CDH13: variants seen among roughly 807,000 people sequenced by gnomAD.
CDH13 encodes the protein cadherin 13.
Under a neutral mutation model 63.8 loss-of-function variants are expected in CDH13, and 24 were observed. The ratio of observed to expected loss-of-function variants is 0.38; its 90% CI spans 0.27 to 0.53. The LOEUF (loss-of-function observed/expected upper bound fraction) is 0.53, where lower values mean the gene tolerates loss of function less well. CDH13 is among the 20% of genes least tolerant of loss of function. The pLI is 0.85. For missense variants in CDH13, 1,049 were observed against 903.1 expected, an observed-to-expected ratio of 1.16 and a Z score of -2.07; for synonymous variants, 503 against 355.3, an observed-to-expected ratio of 1.42 and a Z score of -4.67.
intron 1 of CDH13, among the ~76,000 whole-genome samples, chr16:82,660,246 C>T (rs1355451763): frequency 6.6e-6 from 1 of 152,000 alleles, no homozygotes; most frequent in Non-Finnish European, 1.5e-5. Flanking sequence ...GATTAGGAAC[C>T]TGGAGATAAA....
At chr16:83,667,015 A>ATGGATGGATGGATGGG (rs759265693) in intron 8 of CDH13, among the ~76,000 whole-genome samples, 1 of 130,610 alleles carries the variant, frequency 7.7e-6, no homozygotes, top group Admixed American at 8.2e-5. Context: ...GGATGGATGG[A>ATGGATGGATGGATGGG]TGGATGGATG....
intron 5 of CDH13, among the ~76,000 whole-genome samples, chr16:83,317,208 G>A (rs1486235849): frequency 1.3e-5 from 2 of 152,108 alleles, no homozygotes; most frequent in African/African-American, 2.4e-5. Flanking sequence ...AAAGCCCAAG[G>A]CAAACTTCTA....
At chr16:83,362,032 G>C (rs1332037094) in intron 6 of CDH13, among the ~76,000 whole-genome samples, 1 of 152,040 alleles carries the variant, frequency 6.6e-6, no homozygotes, top group African/African-American at 2.4e-5. Context: ...ATCTGTTTTT[G>C]TGTTTATCTC....
At chr16:83,466,532 A>G (rs1567691738) in intron 6 of CDH13, among the ~76,000 whole-genome samples, 1 of 152,228 alleles carries the variant, frequency 6.6e-6, no homozygotes. Flanking sequence ...TGCAATTTAT[A>G]TAACATTTTC....
chr16:83,704,137 C>G (rs1287221929), intron 10 of CDH13, among the ~76,000 whole-genome samples: 1 of 152,152 alleles, frequency 6.6e-6, no homozygotes, highest in East Asian at 1.9e-4. Context: ...AAAGTGGTTT[C>G]CCTTTTCACC....
intron 8 of CDH13, among the ~76,000 whole-genome samples, chr16:83,627,421 G>C (rs567939132): frequency 2.0e-5 from 3 of 152,376 alleles, no homozygotes; most frequent in Non-Finnish European, 2.9e-5. Flanking sequence ...GATCTGAATA[G>C]TGCCAACTCC....
intron 3 of CDH13, among the ~76,000 whole-genome samples, chr16:83,058,543 A>G (rs2031190922): frequency 6.6e-6 from 1 of 152,150 alleles, no homozygotes; most frequent in African/African-American, 2.4e-5. Flanking sequence ...CCATGTTGCC[A>G]AGAGATGGCA....
intron 2 of CDH13, among the ~76,000 whole-genome samples, chr16:83,003,352 G>T (rs1312871797): frequency 6.6e-6 from 1 of 151,794 alleles, no homozygotes; most frequent in Non-Finnish European, 1.5e-5. Context: ...AGGTAGCATT[G>T]CATTGATAAT....
At chr16:83,728,327 A>ATGTGTGTGCGTG (rs1311517670) in intron 10 of CDH13, among the ~76,000 whole-genome samples, 1 of 61,292 alleles carries the variant, frequency 1.6e-5, no homozygotes, top group East Asian at 2.5e-4. Flanking sequence ...CTATGTGTGT[A>ATGTGTGTGCGTG]TGTGTATGTG....
At chr16:83,426,017 T>G (rs1241189924) in intron 6 of CDH13, among the ~76,000 whole-genome samples, 3 of 152,238 alleles carry the variant, frequency 2.0e-5, no homozygotes, top group Non-Finnish European at 4.4e-5. Flanking sequence ...GGTTTCTTTT[T>G]AAGTGGAGGT....
chr16:83,502,432 G>A (rs1245114164), intron 7 of CDH13, among the ~76,000 whole-genome samples: 1 of 152,154 alleles, frequency 6.6e-6, no homozygotes, highest in Non-Finnish European at 1.5e-5. Flanking sequence ...AAGGATTGCA[G>A]CTCTGCCCAC....
In CDH13 at chr16:83,796,580, G is replaced by A. The variant is rs1412958392; in HGVS notation, c.*1550G>A. ...ATTTTTTTTTCCATTAAAATAAATG[G>A]GTATTGGTGGTTAAAACTGCTGGAC... On this transcript the variant is annotated 3_prime_UTR_variant, in exon 14 of 14. Coordinates refer to ENST00000567109, the MANE Select transcript of CDH13 (RefSeq NM_001257.5). The A allele has an allele frequency of 1.3e-5, 2 of 152,030 alleles. No individual in the cohort carries two copies. The highest frequency in any genetic ancestry group is 4.8e-5 in the African/African-American group (2 of 41,386). 9.4% of individuals were successfully genotyped at this position (152,030 alleles called of 1,614,324 possible).
chr16:82,758,829 A>G (rs1182847493), intron 1 of CDH13, among the ~76,000 whole-genome samples: 1 of 152,174 alleles, frequency 6.6e-6, no homozygotes, highest in Non-Finnish European at 1.5e-5. Flanking sequence ...CTGGTGTGTA[A>G]CCATTGTTTG....
intron 5 of CDH13, among the ~76,000 whole-genome samples, chr16:83,218,706 A>G (rs7206201): frequency 0.92 from 140,283 of 152,236 alleles, 64,825 homozygotes; most frequent in Non-Finnish European, 0.96. Flanking sequence ...TAATTTCTTA[A>G]CAGAGTGATC....
intron 3 of CDH13, among the ~76,000 whole-genome samples, chr16:83,082,727 T>C (rs1441351964): frequency 6.6e-6 from 1 of 152,128 alleles, no homozygotes; most frequent in Non-Finnish European, 1.5e-5. Context: ...GAAATTTCAT[T>C]TATAAGGTTA....
At chr16:83,793,818 A>C (rs1041181077) in intron 13 of CDH13, among the ~76,000 whole-genome samples, 4 of 152,080 alleles carry the variant, frequency 2.6e-5, no homozygotes, top group Middle Eastern at 3.2e-3. Flanking sequence ...TCTCTAAAAA[A>C]AAAAAAAAAA....
At chr16:83,120,889 G>A (rs59082568) in intron 3 of CDH13, among the ~76,000 whole-genome samples, 12,129 of 150,606 alleles carry the variant, frequency 0.081, 553 homozygotes, top group Non-Finnish European at 0.096. Context: ...TCATCCTCCC[G>A]AGTAGCTGGG....
chr16:83,738,546 G>A (rs773514607), intron 10 of CDH13, among the ~76,000 whole-genome samples: 1 of 152,196 alleles, frequency 6.6e-6, no homozygotes, highest in Non-Finnish European at 1.5e-5. Flanking sequence ...CTACCACTGT[G>A]CCTACAAGAG....
In CDH13 at chr16:83,215,073, C is replaced by CTTTTTTTTTTTTTTTTTTTTTTTTTT; in HGVS notation, c.484-2251_484-2250insTTTTTTTTTTTTTTTTTTTTTTTTTT. ...TTTCATCAGAGAGTATCAAACACCTCTTTTTTTTTTTTTTTTTTTTTGAGA... is the reference window on the plus strand; with the variant it reads ...TTTCATCAGAGAGTATCAAACACCTCTTTTTTTTTTTTTTTTTTTTTTTTTTTTTTTTTTTTTTTTTTTTTTTGAGA... On this transcript the variant is annotated intron_variant, in intron 4 of 13. Transcript: ENST00000567109. 7.1e-5 allele frequency among the ~76,000 whole-genome samples: 4 copies of CTTTTTTTTTTTTTTTTTTTTTTTTTT among 56,240 alleles called. 1 individual carries two copies. Among genetic ancestry groups the CTTTTTTTTTTTTTTTTTTTTTTTTTT allele is most frequent in the African/African-American group, 2.9e-4 (4 of 13,910 alleles). 36.9% of individuals were successfully genotyped at this position (56,240 alleles called of 152,430 possible). A position where few individuals can be genotyped will look rare whatever the true frequency, so the allele number is the denominator to read the frequency against.
Sources: gnomAD v4.1 joint callset for allele counts (sites outside exome capture counted in the v4.1 genomes callset) on GRCh38, gnomAD v4.1.1 for gene constraint, MANE v1.5 for transcripts, NCBI Gene and HGNC (gene_info 2026-07-23, HGNC 2026-07-21) for gene names.